The following RAB5A variants were observed in gnomAD, a reference collection of about 807,000 sequenced individuals.
The protein encoded by RAB5A is ras-related protein Rab-5A.
In RAB5A, 8 loss-of-function variants were observed where a neutral mutation model predicts 25.7. That is an observed-to-expected ratio of 0.31 (90% confidence interval 0.18 to 0.56). The LOEUF (loss-of-function observed/expected upper bound fraction) is 0.56. Among genes scored for constraint, RAB5A ranks in the 20% least tolerant of loss-of-function variants. RAB5A has a pLI of 0.91. For missense variants in RAB5A, 192 were observed against 259.7 expected (o/e 0.74, Z 1.79); for synonymous variants, 98 against 89.8 (o/e 1.09, Z -0.52).
intron 1 of RAB5A, among the ~76,000 whole-genome samples, chr3:19,949,091 G>A (rs546432021): frequency 6.6e-6 from 1 of 152,130 alleles, no homozygotes; most frequent in Non-Finnish European, 1.5e-5. Context: ...TAAAGAGTTT[G>A]CCCAGACGGA....
intron 2 of RAB5A, among the ~76,000 whole-genome samples, chr3:19,961,276 A>G (rs1330973361): frequency 1.3e-5 from 2 of 152,196 alleles, no homozygotes; most frequent in East Asian, 3.8e-4. Flanking sequence ...AATAAAGGTT[A>G]AGTATATGCT....
intron 1 of RAB5A, among the ~76,000 whole-genome samples, chr3:19,948,366 C>T (rs79973836): frequency 6.6e-6 from 1 of 152,188 alleles, no homozygotes; most frequent in Non-Finnish European, 1.5e-5. Context: ...TGCTCATAAA[C>T]TTTATTCCTA....
intron 2 of RAB5A, among the ~76,000 whole-genome samples, chr3:19,964,271 C>T (rs7625149): frequency 0.2 from 31,189 of 152,152 alleles, 3,890 homozygotes; most frequent in African/African-American, 0.34. Context: ...ATCTATATAT[C>T]TGTATCTATA....
intron 2 of RAB5A, among the ~76,000 whole-genome samples, chr3:19,962,055 C>T (rs566112976): frequency 3.3e-5 from 5 of 152,246 alleles, no homozygotes; most frequent in East Asian, 3.9e-4. Flanking sequence ...TCAACACATC[C>T]GGCAGTTGGT....
chr3:19,968,134 T>G (rs1696686470), intron 2 of RAB5A, among the ~76,000 whole-genome samples: 1 of 152,210 alleles, frequency 6.6e-6, no homozygotes, highest in Admixed American at 6.5e-5. Flanking sequence ...TCATTCTATT[T>G]CTGAAATTTT....
At chr3:19,982,454 G>C (rs1472646990) in intron 5 of RAB5A, among the ~76,000 whole-genome samples, 1 of 152,162 alleles carries the variant, frequency 6.6e-6, no homozygotes, top group Non-Finnish European at 1.5e-5. Context: ...TTTGCCCAAA[G>C]CATAGATTAT....
chr3:19,963,150 C>T (rs13077307), intron 2 of RAB5A, among the ~76,000 whole-genome samples: 78,004 of 151,966 alleles, frequency 0.51, 21,244 homozygotes, highest in Non-Finnish European at 0.62. Context: ...CCTCATGTTA[C>T]TTCTATGTAG....
chr3:19,970,648 G>A (rs1293949738), intron 2 of RAB5A: 2 of 452,614 alleles, frequency 4.4e-6, no homozygotes, highest in Non-Finnish European at 8.9e-6. Flanking sequence ...AAATGAAGCG[G>A]TCTAAGAGTG....
At position 19,950,912 on chromosome 3, in the gene RAB5A, G is replaced by A. The variant is rs1165832157; in HGVS notation, c.14G>A (p.Gly5Asp). ...TCAAATTTGGACATGGCTAGTCGAG[G>A]CGCAACAAGACCCAACGGGCCAAAT... MASR[G>D]ATRPNGPNTG... The change falls in exon 2 of 6, where the codon GGC (glycine) becomes GAC (aspartate). Residue 5 changes from glycine (G) to aspartate (D), a missense_variant. Gly to Asp is a moderately conservative substitution (Grantham distance 94). Transcript: ENST00000273047. The A allele has an allele frequency of 4.3e-6, 7 of 1,611,490 alleles. No individual in the cohort carries two copies. Among genetic ancestry groups the A allele is most frequent in the Non-Finnish European group, 8.5e-7 (1 of 1,178,862 alleles).
intron 2 of RAB5A, among the ~76,000 whole-genome samples, chr3:19,963,370 C>CA (rs1559488452): frequency 1.8e-5 from 2 of 113,232 alleles, no homozygotes; most frequent in South Asian, 3.9e-4. Flanking sequence ...TTTCACCCCC[C>CA]CCCCCCCCGA....
intron 2 of RAB5A, among the ~76,000 whole-genome samples, chr3:19,957,992 C>A (rs1339958127): frequency 1.3e-5 from 2 of 152,132 alleles, no homozygotes; most frequent in Admixed American, 6.5e-5. Flanking sequence ...TCTACAATTG[C>A]CCTTCACTTG....
intron 2 of RAB5A, among the ~76,000 whole-genome samples, chr3:19,951,957 GTGGTTA>G (rs1559485172): frequency 6.6e-6 from 1 of 152,014 alleles, no homozygotes; most frequent in African/African-American, 2.4e-5. Flanking sequence ...ACTGACAAGG[GTGGTTA>G]TGGTGGGACA....
At chr3:19,982,326 T>G (rs867049643) in intron 5 of RAB5A, among the ~76,000 whole-genome samples, 13 of 152,224 alleles carry the variant, frequency 8.5e-5, no homozygotes, top group Admixed American at 3.3e-4. Flanking sequence ...TGGATATGTT[T>G]GTGTCTAAGT....
At chr3:19,977,770 T>A (rs1385858007) in intron 4 of RAB5A, among the ~76,000 whole-genome samples, 1 of 152,184 alleles carries the variant, frequency 6.6e-6, no homozygotes, top group East Asian at 1.9e-4. Context: ...AAAGTAATAA[T>A]ATATGTAAAC....
In RAB5A at chr3:19,947,269, G is replaced by C. The variant is rs1238633785; in HGVS notation, c.-346G>C. Reference sequence around the variant, plus strand: ...AGAATTAGTCGGAACTCCAGCGCCGGCGGCGGCGGCGGCGGCGGAGGAGGA... The same window carrying C: ...AGAATTAGTCGGAACTCCAGCGCCGCCGGCGGCGGCGGCGGCGGAGGAGGA... On this transcript the variant is annotated 5_prime_UTR_variant, in exon 1 of 6. Transcript: ENST00000273047. The C allele has an allele frequency of 7.0e-6, 1 of 143,244 alleles. No individual in the cohort carries two copies. Among genetic ancestry groups the C allele is most frequent in the Non-Finnish European group, 1.2e-5 (1 of 83,736 alleles). 8.9% of individuals were successfully genotyped at this position (143,244 alleles called of 1,614,324 possible).
chr3:19,979,783 C>CA (rs1174864907), intron 5 of RAB5A, among the ~76,000 whole-genome samples: 1 of 151,914 alleles, frequency 6.6e-6, no homozygotes, highest in Non-Finnish European at 1.5e-5. Context: ...TGGTGGTTCT[C>CA]AAAGTTTGCC....
chr3:19,979,412 T>A (rs968613692), intron 5 of RAB5A, among the ~76,000 whole-genome samples: 1 of 151,858 alleles, frequency 6.6e-6, no homozygotes, highest in African/African-American at 2.4e-5. Context: ...GCCTCTCCTG[T>A]AGCTGGGACT....
intron 2 of RAB5A, among the ~76,000 whole-genome samples, chr3:19,964,961 C>T (rs1015910677): frequency 6.6e-6 from 1 of 152,156 alleles, no homozygotes; most frequent in Non-Finnish European, 1.5e-5. Context: ...GACGGAGTCT[C>T]GCTCTGTCCC....
At chr3:19,974,554 A>G (rs368213936) in intron 2 of RAB5A, among the ~76,000 whole-genome samples, 4 of 152,118 alleles carry the variant, frequency 2.6e-5, no homozygotes, top group East Asian at 3.9e-4. Flanking sequence ...TATTGAATCA[A>G]CTGAACAAAT....
Sources: allele counts gnomAD v4.1 joint callset (sites outside exome capture counted in the v4.1 genomes callset), GRCh38; gene constraint gnomAD v4.1.1; transcripts MANE v1.5; gene names NCBI Gene and HGNC (gene_info 2026-07-23, HGNC 2026-07-21).